Variants in NRG1 observed in about 807,000 individuals in gnomAD.
NRG1 encodes pro-neuregulin-1, membrane-bound isoform.
NRG1 carries 18 observed loss-of-function variants against 63.8 expected under a neutral mutation model. The ratio of observed to expected loss-of-function variants is 0.28; its 90% CI spans 0.19 to 0.42. The LOEUF (loss-of-function observed/expected upper bound fraction) is 0.42. Ranked by LOEUF, NRG1 falls within the 10% of genes least tolerant of loss-of-function variation. The probability of loss-of-function intolerance (pLI) is 1.00; values close to 1 mark genes in which losing one functional copy is unlikely to be tolerated. For synonymous variants in NRG1, 302 were observed against 301.3 expected, an observed-to-expected ratio of 1.00 and a Z score of -0.02; for missense variants, 762 against 814.7, an observed-to-expected ratio of 0.94 and a Z score of 0.79.
At chr8:31,983,873 TG>T (rs1809592166) in intron 1 of NRG1, among the ~76,000 whole-genome samples, 1 of 152,034 alleles carries the variant, frequency 6.6e-6, no homozygotes, top group African/African-American at 2.4e-5. Flanking sequence ...AAGCTGAATC[TG>T]GAAGATAGAA....
intron 1 of NRG1, among the ~76,000 whole-genome samples, chr8:31,811,474 T>A (rs1281452758): frequency 6.6e-6 from 1 of 152,210 alleles, no homozygotes; most frequent in Non-Finnish European, 1.5e-5. Context: ...AAAATATGAT[T>A]TTTTTCCTGG....
intron 1 of NRG1, among the ~76,000 whole-genome samples, chr8:32,482,548 T>A (rs1825432721): frequency 6.6e-6 from 1 of 152,116 alleles, no homozygotes; most frequent in East Asian, 1.9e-4. Context: ...GATCTCAGTA[T>A]CCCTGCTTCC....
At chr8:32,041,802 A>G (rs1820106053) in intron 1 of NRG1, among the ~76,000 whole-genome samples, 1 of 152,220 alleles carries the variant, frequency 6.6e-6, no homozygotes, top group South Asian at 2.1e-4. Flanking sequence ...CAGGTAACCA[A>G]AAAGTACCAG....
At chr8:31,850,188 G>A (rs1359564804) in intron 1 of NRG1, among the ~76,000 whole-genome samples, 2 of 152,058 alleles carry the variant, frequency 1.3e-5, no homozygotes, top group African/African-American at 4.8e-5. Flanking sequence ...CCAAGCTGGG[G>A]GGCAGTCAGA....
chr8:32,185,843 A>C (rs190314050), intron 1 of NRG1, among the ~76,000 whole-genome samples: 7 of 152,264 alleles, frequency 4.6e-5, no homozygotes, highest in African/African-American at 1.7e-4. Flanking sequence ...AAATAATGAA[A>C]ATTTCTTCAT....
intron 1 of NRG1, among the ~76,000 whole-genome samples, chr8:32,225,533 A>G (rs1403875829): frequency 6.6e-6 from 1 of 152,156 alleles, no homozygotes; most frequent in Non-Finnish European, 1.5e-5. Context: ...GGGCTTAGGA[A>G]TGGAGAAGCA....
chr8:32,503,973 A>C (rs1828214080), intron 1 of NRG1, among the ~76,000 whole-genome samples: 1 of 152,164 alleles, frequency 6.6e-6, no homozygotes, highest in African/African-American at 2.4e-5. Flanking sequence ...GCTTGCCAGC[A>C]CTTCAAAGGG....
chr8:31,667,261 A>C (rs528435007), intron 1 of NRG1, among the ~76,000 whole-genome samples: 37 of 152,222 alleles, frequency 2.4e-4, no homozygotes, highest in Non-Finnish European at 4.4e-4. Context: ...CCATTCCTAC[A>C]TTAGGAGTTC....
At chr8:32,065,216 A>G (rs1047514079) in intron 1 of NRG1, among the ~76,000 whole-genome samples, 14 of 148,538 alleles carry the variant, frequency 9.4e-5, no homozygotes, top group African/African-American at 3.4e-4. Flanking sequence ...TTATTTTTTT[A>G]TTATACTTTA....
intron 1 of NRG1, among the ~76,000 whole-genome samples, chr8:31,863,226 G>A (rs969928355): frequency 1.3e-5 from 2 of 152,078 alleles, no homozygotes; most frequent in Non-Finnish European, 2.9e-5. Context: ...AGACTTCTTG[G>A]ATATTGAAAA....
chr8:32,071,568 G>A (rs1277624801), intron 1 of NRG1, among the ~76,000 whole-genome samples: 3 of 152,154 alleles, frequency 2.0e-5, no homozygotes, highest in Admixed American at 2.0e-4. Flanking sequence ...TAACTAGGAA[G>A]TATAAAGTAC....
At chr8:31,901,608 G>A (rs1408049573) in intron 1 of NRG1, among the ~76,000 whole-genome samples, 1 of 152,154 alleles carries the variant, frequency 6.6e-6, no homozygotes, top group Non-Finnish European at 1.5e-5. Flanking sequence ...AATGATCTCT[G>A]TGCCCCTTTG....
intron 1 of NRG1, among the ~76,000 whole-genome samples, chr8:32,227,650 T>G (rs1846475810): frequency 6.6e-6 from 1 of 152,160 alleles, no homozygotes; most frequent in Non-Finnish European, 1.5e-5. Context: ...ACTTTTCACA[T>G]GAGTCAAGTT....
intron 1 of NRG1, among the ~76,000 whole-genome samples, chr8:32,172,175 A>G (rs1840140707): frequency 6.6e-6 from 1 of 152,152 alleles, no homozygotes; most frequent in Non-Finnish European, 1.5e-5. Flanking sequence ...AGGCAGTAAC[A>G]TTTGCTGCTC....
intron 1 of NRG1, among the ~76,000 whole-genome samples, chr8:32,023,389 C>T (rs1816754037): frequency 1.3e-5 from 2 of 152,084 alleles, no homozygotes; most frequent in African/African-American, 4.8e-5. Flanking sequence ...AAGAAAAATC[C>T]TGGAATGTGC....
intron 1 of NRG1, among the ~76,000 whole-genome samples, chr8:32,190,122 T>G (rs1251249043): frequency 6.6e-6 from 1 of 151,960 alleles, no homozygotes; most frequent in Non-Finnish European, 1.5e-5. Flanking sequence ...TATCGTCATG[T>G]TCCTGCACTA....
intron 1 of NRG1, among the ~76,000 whole-genome samples, chr8:32,121,352 C>G (rs1833419589): frequency 6.6e-6 from 1 of 151,846 alleles, no homozygotes; most frequent in Non-Finnish European, 1.5e-5. Context: ...TGTTGCCAGG[C>G]ATTTCCTTTG....
At chr8:32,668,587 T>C (rs1804829341) in intron 5 of NRG1, among the ~76,000 whole-genome samples, 1 of 152,196 alleles carries the variant, frequency 6.6e-6, no homozygotes, top group African/African-American at 2.4e-5. Flanking sequence ...TTCATGTGTG[T>C]GAAAAATATA....
At chr8:31,974,067 G>T (rs193061199) in intron 1 of NRG1, among the ~76,000 whole-genome samples, 1 of 152,286 alleles carries the variant, frequency 6.6e-6, no homozygotes, top group Admixed American at 6.5e-5. Flanking sequence ...AACCTTGAGC[G>T]CTAGGAAGAT....
Sources: allele counts gnomAD v4.1 joint callset (sites outside exome capture counted in the v4.1 genomes callset), GRCh38; gene constraint gnomAD v4.1.1; transcripts MANE v1.5; gene names NCBI Gene and HGNC (gene_info 2026-07-23, HGNC 2026-07-21).